The following NEK10 variants were observed in gnomAD, a reference collection of about 807,000 sequenced individuals.
NEK10 encodes NIMA related kinase 10, also known as serine/threonine-protein kinase Nek10.
In NEK10, 122 loss-of-function variants were observed where a neutral mutation model predicts 159.8. The ratio of observed to expected loss-of-function variants is 0.76; its 90% CI spans 0.66 to 0.89. The LOEUF (loss-of-function observed/expected upper bound fraction) is 0.89, where lower values mean the gene tolerates loss of function less well. Ranked by LOEUF, NEK10 falls within the 40% of genes least tolerant of loss-of-function variation. The pLI is 0.00. For missense variants in NEK10, 1,342 were observed against 1,323.1 expected (o/e 1.01, Z -0.22); for synonymous variants, 466 against 457.1 (o/e 1.02, Z -0.25).
intron 23 of NEK10, among the ~76,000 whole-genome samples, chr3:27,218,182 A>G (rs1409646151): frequency 1.3e-5 from 2 of 152,238 alleles, no homozygotes; most frequent in Non-Finnish European, 2.9e-5. Context: ...AGGACAGTGC[A>G]AGATTTCACC....
chr3:27,116,288 T>G (rs926931951), intron 33 of NEK10, among the ~76,000 whole-genome samples, 161 bp from the exon 34 acceptor site: 2 of 152,198 alleles, frequency 1.3e-5, no homozygotes, highest in Non-Finnish European at 2.9e-5. Flanking sequence ...GCTTTGAATA[T>G]TCAAGTGTTT....
At chr3:27,355,453 C>G (rs895720152) in intron 1 of NEK10, among the ~76,000 whole-genome samples, 2 of 152,082 alleles carry the variant, frequency 1.3e-5, no homozygotes, top group Non-Finnish European at 2.9e-5. Flanking sequence ...ACAAATGCCC[C>G]TAGTGCTCCT....
chr3:27,267,716 C>G (rs1291097276), intron 22 of NEK10, among the ~76,000 whole-genome samples: 1 of 152,152 alleles, frequency 6.6e-6, no homozygotes, highest in African/African-American at 2.4e-5. Flanking sequence ...TCCTTATCCC[C>G]CTAGACACAA....
intron 23 of NEK10, chr3:27,252,784 G>A: frequency 2.3e-6 from 1 of 431,880 alleles, no homozygotes; most frequent in Non-Finnish European, 4.7e-6. Flanking sequence ...TGGTCAGAGG[G>A]AGCCCAGATG....
At chr3:27,341,298 G>A (rs1046723891) in intron 5 of NEK10, among the ~76,000 whole-genome samples, 1 of 152,084 alleles carries the variant, frequency 6.6e-6, no homozygotes, top group Non-Finnish European at 1.5e-5. Flanking sequence ...GCAGAATCGC[G>A]TGACTATAGT....
chr3:27,289,965 A>G (rs1397815146), intron 19 of NEK10, among the ~76,000 whole-genome samples: 2 of 152,260 alleles, frequency 1.3e-5, no homozygotes, highest in Non-Finnish European at 2.9e-5. Context: ...CAAAGCTGAT[A>G]GTGCACCACA....
intron 5 of NEK10, among the ~76,000 whole-genome samples, chr3:27,326,079 A>G (rs957049433): frequency 1.3e-5 from 2 of 152,244 alleles, no homozygotes; most frequent in Non-Finnish European, 2.9e-5. Context: ...CAGATCAGAC[A>G]TACCCTGCAT....
chr3:27,272,124 A>T (rs1466347809), intron 22 of NEK10, among the ~76,000 whole-genome samples: 1 of 152,198 alleles, frequency 6.6e-6, no homozygotes, highest in African/African-American at 2.4e-5. Context: ...GATGCAAGGT[A>T]TTCCCAACCC....
chr3:27,210,786 G>C (rs1202337484), intron 23 of NEK10, among the ~76,000 whole-genome samples: 1 of 152,178 alleles, frequency 6.6e-6, no homozygotes, highest in African/African-American at 2.4e-5. Flanking sequence ...GGGTGAGGAA[G>C]GAGGAAGTTA....
chr3:27,258,338 T>G (rs926008947), intron 22 of NEK10, among the ~76,000 whole-genome samples: 6 of 151,790 alleles, frequency 4.0e-5, no homozygotes. Context: ...TCATTTAACA[T>G]TAGGTATATC....
At chr3:27,158,810 C>G (rs1182294539) in intron 30 of NEK10, among the ~76,000 whole-genome samples, 1 of 152,152 alleles carries the variant, frequency 6.6e-6, no homozygotes, top group Non-Finnish European at 1.5e-5. Flanking sequence ...TTGACCCACA[C>G]TAATAGAATC....
chr3:27,287,585 A>C (rs2042710032), intron 20 of NEK10, 113 bp downstream of exon 20: 2 of 1,148,942 alleles, frequency 1.7e-6, no homozygotes, highest in South Asian at 3.2e-5. Context: ...TCATATTAAC[A>C]AAAAAAGGTC....
rs1367574915 is a variant in NEK10, at chr3:27,366,202, AC to A, written c.-38+3022del. On this transcript the variant is annotated intron_variant, in intron 1 of 35. Transcript: ENST00000691995. ...GTAATGTTCACAACCACCCCATTTT[AC>A]AGATGAGGAAACTGAGGTGCAGAAA... Among the ~76,000 whole-genome samples, 5 of 152,220 alleles carry A rather than the reference AC, an allele frequency of 3.3e-5. No homozygotes were observed. In the East Asian group the frequency reaches 7.7e-4, roughly 24 times the overall value.
chr3:27,196,328 C>T (rs1380576834), intron 25 of NEK10, among the ~76,000 whole-genome samples: 1 of 152,186 alleles, frequency 6.6e-6, no homozygotes. Context: ...ACTGCTCACT[C>T]AGGGAGCTCA....
chr3:27,111,110 C>T lies in NEK10; in HGVS notation c.*162G>A. On this transcript the variant is annotated 3_prime_UTR_variant, in exon 36 of 36. Coordinates refer to ENST00000691995, the MANE Select transcript of NEK10 (RefSeq NM_001394966.1). ...TCAAGTACCGCAGCTGTCATATACT[C>T]CAGCACAGGACCCCCAGAAAGAAGT... is the stretch of plus-strand genomic sequence containing the variant. 1.7e-6 allele frequency: 1 copy of T among 579,894 alleles called. No individual in the cohort carries two copies. The highest frequency in any genetic ancestry group is 3.0e-6 in the Non-Finnish European group (1 of 330,292). 35.9% of individuals were successfully genotyped at this position (579,894 alleles called of 1,614,324 possible).
At chr3:27,340,985 G>GTA (rs1471079028) in intron 5 of NEK10, among the ~76,000 whole-genome samples, 2 of 151,874 alleles carry the variant, frequency 1.3e-5, no homozygotes, top group Non-Finnish European at 2.9e-5. Context: ...TTAAAATGTA[G>GTA]TATATATATA....
chr3:27,325,258 T>G (rs2045928556), intron 5 of NEK10, among the ~76,000 whole-genome samples: 1 of 152,166 alleles, frequency 6.6e-6, no homozygotes, highest in Non-Finnish European at 1.5e-5. Flanking sequence ...ACAAAGCATC[T>G]TCTATTTCAT....
chr3:27,240,983 C>T (rs1004184027), intron 23 of NEK10, among the ~76,000 whole-genome samples: 2 of 152,040 alleles, frequency 1.3e-5, no homozygotes, highest in African/African-American at 2.4e-5. Flanking sequence ...TGATCATTAC[C>T]TCATCAGCCT....
At chr3:27,286,515 G>A (rs993734328) in intron 20 of NEK10, among the ~76,000 whole-genome samples, 1 of 146,122 alleles carries the variant, frequency 6.8e-6, no homozygotes, top group African/African-American at 2.5e-5. Context: ...CCAAGTAGGT[G>A]GGATTACAGG....
Sources: gnomAD v4.1 joint callset for allele counts (sites outside exome capture counted in the v4.1 genomes callset) on GRCh38, gnomAD v4.1.1 for gene constraint, MANE v1.5 for transcripts, NCBI Gene and HGNC (gene_info 2026-07-23, HGNC 2026-07-21) for gene names.